The following LRRFIP2 variants were observed in gnomAD, a reference collection of about 807,000 sequenced individuals.
LRRFIP2 encodes the protein LRR binding FLII interacting protein 2, also known as leucine-rich repeat flightless-interacting protein 2.
Under a neutral mutation model 125.9 loss-of-function variants are expected in LRRFIP2, and 109 were observed. The observed-to-expected ratio is 0.87, with a 90% CI of 0.74 to 1.01. The LOEUF (loss-of-function observed/expected upper bound fraction) is 1.01, where lower values mean the gene tolerates loss of function less well. LRRFIP2 is among the 50% of genes least tolerant of loss of function. LRRFIP2 has a pLI of 0.00. For synonymous variants in LRRFIP2, 291 were observed against 293.1 expected (o/e 0.99, Z 0.07); for missense variants, 850 against 862.3 (o/e 0.99, Z 0.18).
Position 37,084,527 on chromosome 3 carries a change from C to T in LRRFIP2, c.1108-721G>A, listed in dbSNP as rs142453014. ...AAAAAAAGTACAAAAATTAGCCAGACACAGTGGCGCACACCTGTAGTCCCA... is the reference window on the plus strand; with the variant it reads ...AAAAAAAGTACAAAAATTAGCCAGATACAGTGGCGCACACCTGTAGTCCCA... On this transcript the variant is annotated intron_variant, in intron 18 of 27. Coordinates refer to ENST00000336686, the MANE Select transcript of LRRFIP2 (RefSeq NM_006309.4). 4.0e-3 allele frequency among the ~76,000 whole-genome samples: 602 copies of T among 152,042 alleles called. 3 individuals are homozygous for T. Among genetic ancestry groups the T allele is most frequent in the African/African-American group, 0.014 (568 of 41,468 alleles).
At chr3:37,087,804 G>T (rs914565182) in intron 18 of LRRFIP2, among the ~76,000 whole-genome samples, 2 of 152,032 alleles carry the variant, frequency 1.3e-5, no homozygotes, top group East Asian at 1.9e-4. Flanking sequence ...GGCCAGGCTG[G>T]TCTTGACCTC....
chr3:37,085,065 T>C (rs557102089), intron 18 of LRRFIP2, among the ~76,000 whole-genome samples: 17 of 152,266 alleles, frequency 1.1e-4, no homozygotes, highest in African/African-American at 3.6e-4. Context: ...AAGAATGAAG[T>C]TGGACTCCCA....
At chr3:37,125,554 A>C (rs986718314) in intron 4 of LRRFIP2, among the ~76,000 whole-genome samples, 5 of 152,202 alleles carry the variant, frequency 3.3e-5, no homozygotes, top group Non-Finnish European at 7.3e-5. Context: ...CATGTCTATA[A>C]AATTGAGACA....
chr3:37,149,082 C>T, intron 1 of LRRFIP2, 44 bp from the exon 2 acceptor site: 1 of 1,488,562 alleles, frequency 6.7e-7, no homozygotes, highest in Non-Finnish European at 9.0e-7. Context: ...TTTCTTTGTG[C>T]AATTTTCATG....
chr3:37,075,531 T>C (rs984654360), intron 19 of LRRFIP2, among the ~76,000 whole-genome samples: 1 of 152,076 alleles, frequency 6.6e-6, no homozygotes, highest in African/African-American at 2.4e-5. Flanking sequence ...GAAAATTATA[T>C]AAAGCATTCC....
chr3:37,080,162 G>C (rs1246168071), intron 19 of LRRFIP2, among the ~76,000 whole-genome samples: 4 of 152,128 alleles, frequency 2.6e-5, no homozygotes, highest in Non-Finnish European at 5.9e-5. Context: ...CACTTTGGGA[G>C]GCCGAGGTGG....
chr3:37,104,121 CAAT>C (rs1412362830), intron 14 of LRRFIP2, among the ~76,000 whole-genome samples: 10 of 151,760 alleles, frequency 6.6e-5, no homozygotes, highest in Non-Finnish European at 8.8e-5. Flanking sequence ...TTTTTATTCA[CAAT>C]AATAATAATA....
At chr3:37,135,105 A>G in intron 2 of LRRFIP2, 1 of 1,306,960 alleles carries the variant, frequency 7.7e-7, no homozygotes, top group Non-Finnish European at 1.1e-6. Context: ...ATGCCATATG[A>G]TGCTACCTTA....
chr3:37,059,794 A>AT (rs1553684162), intron 24 of LRRFIP2, among the ~76,000 whole-genome samples: 1,562 of 72,692 alleles, frequency 0.021, 29 homozygotes, highest in African/African-American at 0.053. Flanking sequence ...TCAAAAAAAA[A>AT]AAAAATAATA....
At chr3:37,161,042 C>T (rs2096325238) in intron 1 of LRRFIP2, among the ~76,000 whole-genome samples, 1 of 151,862 alleles carries the variant, frequency 6.6e-6, no homozygotes, top group African/African-American at 2.4e-5. Flanking sequence ...TATTACCTAG[C>T]CATAAAAACA....
intron 2 of LRRFIP2, among the ~76,000 whole-genome samples, chr3:37,146,448 ATGCTCTCCCTCACCCCAC>A (rs1281806522): frequency 5.3e-5 from 8 of 151,998 alleles, no homozygotes; most frequent in Non-Finnish European, 1.2e-4. Context: ...ATTTATCCTG[ATGCTCTCCCTCACCCCAC>A]TGTGCTCCCT....
At chr3:37,173,925 T>C (rs567803905) in intron 1 of LRRFIP2, among the ~76,000 whole-genome samples, 6 of 152,352 alleles carry the variant, frequency 3.9e-5, no homozygotes, top group African/African-American at 1.4e-4. Flanking sequence ...CCTAGGAAGG[T>C]TTCCCTTGCA....
chr3:37,172,129 T>C (rs1690069710), intron 1 of LRRFIP2, among the ~76,000 whole-genome samples: 1 of 152,228 alleles, frequency 6.6e-6, no homozygotes, highest in Non-Finnish European at 1.5e-5. Context: ...TGAAATAGTT[T>C]TAACTTTTCA....
chr3:37,077,663 G>A (rs923466444), intron 19 of LRRFIP2, among the ~76,000 whole-genome samples: 6 of 152,118 alleles, frequency 3.9e-5, no homozygotes, highest in East Asian at 1.9e-4. Flanking sequence ...CTTTGTTAAC[G>A]TGACTCCAGA....
chr3:37,125,294 T>G (rs2095234607), intron 4 of LRRFIP2, among the ~76,000 whole-genome samples: 1 of 152,168 alleles, frequency 6.6e-6, no homozygotes, highest in Admixed American at 6.5e-5. Flanking sequence ...TATTTACTCT[T>G]CAAGACATGC....
intron 1 of LRRFIP2, among the ~76,000 whole-genome samples, chr3:37,156,887 T>C (rs2096216314): frequency 6.6e-6 from 1 of 152,106 alleles, no homozygotes; most frequent in African/African-American, 2.4e-5. Context: ...CCCAGCACTC[T>C]GGGAGGCCAA....
chr3:37,162,510 C>T (rs2150262103), intron 1 of LRRFIP2, among the ~76,000 whole-genome samples: 1 of 152,242 alleles, frequency 6.6e-6, no homozygotes, highest in Non-Finnish European at 1.5e-5. Context: ...CCAGTCAAAT[C>T]CCTCTTTTTC....
At chr3:37,099,203 T>C (rs186918247) in intron 15 of LRRFIP2, among the ~76,000 whole-genome samples, 246 of 152,288 alleles carry the variant, frequency 1.6e-3, no homozygotes, top group Non-Finnish European at 2.3e-3. Context: ...CTTGGCAAGT[T>C]CTCACTTCTT....
At chr3:37,084,452 A>C (rs2092890302) in intron 18 of LRRFIP2, among the ~76,000 whole-genome samples, 1 of 152,110 alleles carries the variant, frequency 6.6e-6, no homozygotes, top group South Asian at 2.1e-4. Context: ...GCTTGAGCCC[A>C]GGAGCTCAAG....
Sources: allele counts gnomAD v4.1 joint callset (sites outside exome capture counted in the v4.1 genomes callset), GRCh38; gene constraint gnomAD v4.1.1; transcripts MANE v1.5; gene names NCBI Gene and HGNC (gene_info 2026-07-23, HGNC 2026-07-21).